CEP128: variants seen among roughly 807,000 people sequenced by gnomAD.
The protein encoded by CEP128 is centrosomal protein 128.
In CEP128, 132 loss-of-function variants were observed where a neutral mutation model predicts 156.7. The ratio of observed to expected loss-of-function variants is 0.84; its 90% confidence interval spans 0.73 to 0.97. The LOEUF is 0.97. Ranked by LOEUF, CEP128 falls within the 50% of genes least tolerant of loss-of-function variation. The pLI, the probability that CEP128 is intolerant of heterozygous loss-of-function variation, is 0.00. For synonymous variants in CEP128, 469 were observed against 448.9 expected, an observed-to-expected ratio of 1.04 and a Z score of -0.57; for missense variants, 1,252 against 1,281.9, an observed-to-expected ratio of 0.98 and a Z score of 0.36.
chr14:80,478,774 A>ATT (rs35363227), intron 14 of CEP128, among the ~76,000 whole-genome samples: 1 of 152,246 alleles, frequency 6.6e-6, no homozygotes, highest in South Asian at 2.1e-4. Context: ...ACATAGGTAG[A>ATT]TTTGAAGATA....
chr14:80,543,208 C>A (rs1889841525), intron 21 of CEP128, among the ~76,000 whole-genome samples: 1 of 152,188 alleles, frequency 6.6e-6, no homozygotes, highest in Non-Finnish European at 1.5e-5. Flanking sequence ...CATAATTAAT[C>A]CTTTTTTGAA....
intron 18 of CEP128, among the ~76,000 whole-genome samples, chr14:80,753,204 T>C (rs1899478411): frequency 6.6e-6 from 1 of 152,168 alleles, no homozygotes; most frequent in African/African-American, 2.4e-5. Flanking sequence ...CCAGGCATTG[T>C]GATAAGTGCT....
chr14:80,746,142 A>C (rs1899087641), intron 18 of CEP128, among the ~76,000 whole-genome samples: 1 of 152,216 alleles, frequency 6.6e-6, no homozygotes, highest in East Asian at 1.9e-4. Flanking sequence ...GAATATTATT[A>C]AAATAGCAAT....
At chr14:80,545,649 A>C (rs1889950584) in intron 21 of CEP128, among the ~76,000 whole-genome samples, 1 of 152,206 alleles carries the variant, frequency 6.6e-6, no homozygotes, top group Non-Finnish European at 1.5e-5. Flanking sequence ...ATGTGTGAGA[A>C]AGAATCTTAC....
intron 18 of CEP128, among the ~76,000 whole-genome samples, chr14:80,748,142 G>A (rs893239173): frequency 1.3e-5 from 2 of 152,156 alleles, no homozygotes; most frequent in Non-Finnish European, 2.9e-5. Flanking sequence ...ATAGGCCTCT[G>A]TCTTGTCTGG....
At chr14:80,711,643 T>G (rs913621828) in intron 19 of CEP128, among the ~76,000 whole-genome samples, 2 of 152,062 alleles carry the variant, frequency 1.3e-5, no homozygotes, top group Non-Finnish European at 2.9e-5. Flanking sequence ...AGACCTAGTA[T>G]TTAATAGCAC....
At chr14:80,777,206 T>C (rs1244601808) in intron 16 of CEP128, among the ~76,000 whole-genome samples, 1 of 152,138 alleles carries the variant, frequency 6.6e-6, no homozygotes, top group Admixed American at 6.5e-5. Context: ...TGATGATAAT[T>C]GAGGGTGGGA....
At position 80,710,932 on chromosome 14, in the gene CEP128, G is replaced by C. The variant is rs17111027; in HGVS notation, c.2806+32143C>G. Among the ~76,000 whole-genome samples the C allele has an allele frequency of 3.9e-3, 590 of 152,132 alleles. 3 individuals carry two copies. Among genetic ancestry groups the C allele is most frequent in the African/African-American group, 0.014 (564 of 41,514 alleles). ...CTCTAAAGTGATACAAAAAATTATC[G>C]TCTGAAATCATTAACTTGCACACTC... On this transcript the variant is annotated intron_variant, in intron 19 of 24. Coordinates refer to ENST00000555265, the MANE Select transcript of CEP128 (RefSeq NM_152446.5).
chr14:80,722,978 C>A (rs1190316141), intron 19 of CEP128, among the ~76,000 whole-genome samples: 3 of 151,996 alleles, frequency 2.0e-5, no homozygotes, highest in Admixed American at 2.0e-4. Flanking sequence ...AGGCACCCGC[C>A]ACCACACCTG....
At chr14:80,862,301 A>T (rs907537063) in intron 9 of CEP128, among the ~76,000 whole-genome samples, 1 of 152,236 alleles carries the variant, frequency 6.6e-6, no homozygotes, top group Non-Finnish European at 1.5e-5. Context: ...GCTCCAATAA[A>T]ACTACTTACA....
chr14:80,903,427 A>T (rs1009839478), intron 6 of CEP128, among the ~76,000 whole-genome samples: 3 of 152,158 alleles, frequency 2.0e-5, no homozygotes, highest in African/African-American at 7.2e-5. Context: ...AAGCTCCATG[A>T]CTTTGGTTTA....
At chr14:80,584,840 G>A (rs565229511) in intron 19 of CEP128, among the ~76,000 whole-genome samples, 4 of 152,120 alleles carry the variant, frequency 2.6e-5, no homozygotes, top group South Asian at 2.1e-4. Flanking sequence ...TATCAGCATT[G>A]AAAGAGCTGA....
At chr14:80,891,182 A>T (rs1889080905) in intron 8 of CEP128, among the ~76,000 whole-genome samples, 1 of 152,188 alleles carries the variant, frequency 6.6e-6, no homozygotes, top group African/African-American at 2.4e-5. Flanking sequence ...CTACCACATG[A>T]TCCAGCAATC....
chr14:80,698,262 A>G (rs1389844751), intron 19 of CEP128, among the ~76,000 whole-genome samples: 1 of 152,100 alleles, frequency 6.6e-6, no homozygotes, highest in Non-Finnish European at 1.5e-5. Context: ...TACTACTCCT[A>G]GTAGGAATTA....
chr14:80,799,424 C>G (rs571583349), intron 13 of CEP128, among the ~76,000 whole-genome samples: 1 of 152,196 alleles, frequency 6.6e-6, no homozygotes, highest in Non-Finnish European at 1.5e-5. Flanking sequence ...TGTGTTTGAA[C>G]AATATGAAAT....
chr14:80,718,450 T>C (rs765120899), intron 19 of CEP128, among the ~76,000 whole-genome samples: 7 of 152,184 alleles, frequency 4.6e-5, no homozygotes. Flanking sequence ...AGTAATTAAA[T>C]CATACAGTCT....
chr14:80,912,191 T>C (rs1479717049), intron 4 of CEP128, among the ~76,000 whole-genome samples: 2 of 150,842 alleles, frequency 1.3e-5, no homozygotes, highest in Non-Finnish European at 2.9e-5. Context: ...CATTCCAATC[T>C]GGTGACAGAG....
At chr14:80,594,578 A>C (rs972499795) in intron 19 of CEP128, among the ~76,000 whole-genome samples, 1 of 152,256 alleles carries the variant, frequency 6.6e-6, no homozygotes, top group Non-Finnish European at 1.5e-5. Flanking sequence ...TCCATCTGAC[A>C]AAGGGCTAGT....
intron 9 of CEP128, among the ~76,000 whole-genome samples, chr14:80,856,891 A>G (rs927300070): frequency 1.3e-5 from 2 of 150,706 alleles, no homozygotes; most frequent in African/African-American, 4.9e-5. Context: ...CCACCACACT[A>G]ATTTTTTTGT....
Sources: gnomAD v4.1 joint callset for allele counts (sites outside exome capture counted in the v4.1 genomes callset) on GRCh38, gnomAD v4.1.1 for gene constraint, MANE v1.5 for transcripts, NCBI Gene and HGNC (gene_info 2026-07-23, HGNC 2026-07-21) for gene names.